Variants in GABRB1 observed in about 807,000 individuals in gnomAD.
GABRB1 encodes gamma-aminobutyric acid type A receptor subunit beta1.
Under a neutral mutation model 51.6 loss-of-function variants are expected in GABRB1, and 17 were observed. That is an observed-to-expected ratio of 0.33 (90% CI 0.23 to 0.49). The LOEUF (loss-of-function observed/expected upper bound fraction) is 0.49, where lower values mean the gene tolerates loss of function less well. Ranked by LOEUF, GABRB1 falls within the 20% of genes least tolerant of loss-of-function variation. The pLI, the probability that GABRB1 is intolerant of heterozygous loss-of-function variation, is 0.99. For missense variants in GABRB1, 410 were observed against 600.6 expected (o/e 0.68, Z 3.32); for synonymous variants, 247 against 218.9 (o/e 1.13, Z -1.14).
At chr4:47,082,873 C>T (rs1315703744) in intron 3 of GABRB1, among the ~76,000 whole-genome samples, 1 of 152,056 alleles carries the variant, frequency 6.6e-6, no homozygotes, top group East Asian at 1.9e-4. Flanking sequence ...TAAATAAAGT[C>T]ATTCTGAACT....
chr4:47,094,934 C>T (rs1306086741), intron 3 of GABRB1, among the ~76,000 whole-genome samples: 2 of 151,924 alleles, frequency 1.3e-5, no homozygotes, highest in African/African-American at 4.8e-5. Flanking sequence ...GTAAAGTATA[C>T]CTGCTAGGAC....
intron 4 of GABRB1, among the ~76,000 whole-genome samples, chr4:47,186,180 A>T: frequency 6.8e-6 from 1 of 147,964 alleles, no homozygotes; most frequent in Non-Finnish European, 1.5e-5. Flanking sequence ...TTTCCTAAAT[A>T]TACCTTCAGT....
chr4:47,327,441 T>C (rs188485634), intron 5 of GABRB1, among the ~76,000 whole-genome samples: 1 of 152,340 alleles, frequency 6.6e-6, no homozygotes, highest in East Asian at 1.9e-4. Flanking sequence ...CTAACATTTA[T>C]ATTACTTTAG....
At chr4:47,146,286 C>T (rs11941080) in intron 3 of GABRB1, among the ~76,000 whole-genome samples, 7,627 of 152,090 alleles carry the variant, frequency 0.05, 221 homozygotes, top group East Asian at 0.099. Flanking sequence ...CTCTGTCTTT[C>T]TCTCTTCCTT....
At chr4:47,214,363 A>C (rs1346014918) in intron 4 of GABRB1, among the ~76,000 whole-genome samples, 1 of 152,156 alleles carries the variant, frequency 6.6e-6, no homozygotes, top group African/African-American at 2.4e-5. Flanking sequence ...TCTCAGCTCC[A>C]GAGTGGGCTT....
intron 4 of GABRB1, among the ~76,000 whole-genome samples, chr4:47,292,312 C>A (rs191125677): frequency 1.4e-3 from 207 of 152,290 alleles, no homozygotes; most frequent in Non-Finnish European, 1.9e-3. Flanking sequence ...AAACCTCTTT[C>A]TTTTGTAAAT....
intron 8 of GABRB1, among the ~76,000 whole-genome samples, chr4:47,420,971 CACACACAG>C (rs1246419268): frequency 7.4e-5 from 11 of 149,378 alleles, no homozygotes; most frequent in South Asian, 6.3e-4. Flanking sequence ...CACACACACA[CACACACAG>C]AGTCTGTTAA....
At chr4:47,064,586 C>T (rs6815547) in intron 3 of GABRB1, among the ~76,000 whole-genome samples, 16,138 of 131,250 alleles carry the variant, frequency 0.12, 1,296 homozygotes, top group East Asian at 0.3. Context: ...TGCAGTGAGT[C>T]AAGATCGCGC....
At position 47,243,659 on chromosome 4, in the gene GABRB1, G is replaced by A. The variant is rs964442798; in HGVS notation, c.462-76468G>A. 6.6e-4 allele frequency among the ~76,000 whole-genome samples: 101 copies of A among 152,240 alleles called. 1 individual carries two copies. Among genetic ancestry groups the A allele is most frequent in the African/African-American group, 2.4e-3 (99 of 41,548 alleles). Reference sequence around the variant, plus strand: ...ATTCTCTTTGAAGCAGTTGTGAATGGGAGTTCACTCATGATTTGGCTCTCT... The same window carrying A: ...ATTCTCTTTGAAGCAGTTGTGAATGAGAGTTCACTCATGATTTGGCTCTCT... On this transcript the variant is annotated intron_variant, in intron 4 of 8. Transcript: ENST00000295454.
chr4:47,097,282 C>T (rs1368922643), intron 3 of GABRB1, among the ~76,000 whole-genome samples: 1 of 152,184 alleles, frequency 6.6e-6, no homozygotes, highest in Non-Finnish European at 1.5e-5. Context: ...CCACCTTGCT[C>T]TTCCTAGAAC....
At chr4:47,124,947 AT>A (rs762985893) in intron 3 of GABRB1, among the ~76,000 whole-genome samples, 49 of 152,220 alleles carry the variant, frequency 3.2e-4, no homozygotes, top group Non-Finnish European at 4.3e-4. Flanking sequence ...ATTCAAAAAA[AT>A]AATGGGAGGG....
intron 5 of GABRB1, among the ~76,000 whole-genome samples, chr4:47,377,736 G>A (rs1727439338): frequency 6.6e-6 from 1 of 152,008 alleles, no homozygotes; most frequent in African/African-American, 2.4e-5. Context: ...AGTTCTCCAA[G>A]TCCCCACCAG....
intron 5 of GABRB1, among the ~76,000 whole-genome samples, chr4:47,321,735 T>C (rs1189223389): frequency 1.3e-5 from 2 of 150,782 alleles, no homozygotes; most frequent in African/African-American, 4.9e-5. Flanking sequence ...CCATACATAT[T>C]AGTTGTTTGT....
At chr4:47,067,050 T>C (rs1053663998) in intron 3 of GABRB1, among the ~76,000 whole-genome samples, 5 of 152,192 alleles carry the variant, frequency 3.3e-5, no homozygotes, top group Non-Finnish European at 5.9e-5. Context: ...GAAAACAGCA[T>C]CAGTTTCCTC....
At chr4:47,207,256 G>A (rs1261766486) in intron 4 of GABRB1, among the ~76,000 whole-genome samples, 3 of 151,810 alleles carry the variant, frequency 2.0e-5, no homozygotes, top group Admixed American at 6.6e-5. Context: ...CATTTAACTT[G>A]AGCTACTCTC....
chr4:47,263,189 A>G (rs974719642), intron 4 of GABRB1, among the ~76,000 whole-genome samples: 1 of 144,232 alleles, frequency 6.9e-6, no homozygotes, highest in Non-Finnish European at 1.5e-5. Flanking sequence ...AACTTAAAGT[A>G]TAATAATAAT....
chr4:47,311,409 C>A (rs1327524855), intron 4 of GABRB1, among the ~76,000 whole-genome samples: 7 of 118,410 alleles, frequency 5.9e-5, no homozygotes, highest in Admixed American at 1.9e-4. Flanking sequence ...GAGACTCTGT[C>A]TCAAAAAAAA....
chr4:47,248,582 A>G (rs1721856334), intron 4 of GABRB1, among the ~76,000 whole-genome samples: 1 of 152,076 alleles, frequency 6.6e-6, no homozygotes, highest in African/African-American at 2.4e-5. Context: ...AAGGATTGGT[A>G]CCAATTCTTC....
chr4:47,118,315 A>C (rs1438938635), intron 3 of GABRB1, among the ~76,000 whole-genome samples: 1 of 152,192 alleles, frequency 6.6e-6, no homozygotes, highest in Admixed American at 6.5e-5. Flanking sequence ...GTATAACTAA[A>C]GAGACTCATT....
Sources: allele counts gnomAD v4.1 joint callset (sites outside exome capture counted in the v4.1 genomes callset), GRCh38; gene constraint gnomAD v4.1.1; transcripts MANE v1.5; gene names NCBI Gene and HGNC (gene_info 2026-07-23, HGNC 2026-07-21).